The following CNTN4 variants were observed in gnomAD, a reference collection of about 807,000 sequenced individuals.
CNTN4 encodes contactin-4.
CNTN4 carries 77 observed loss-of-function variants against 122.5 expected under a neutral mutation model. The observed-to-expected ratio is 0.63, with a 90% confidence interval of 0.52 to 0.76. The LOEUF is 0.76. Ranked by LOEUF, CNTN4 falls within the 30% of genes least tolerant of loss-of-function variation. CNTN4 has a pLI of 0.00. For missense variants in CNTN4, 1,256 were observed against 1,259.1 expected, an observed-to-expected ratio of 1.00 and a Z score of 0.04; for synonymous variants, 512 against 447.0, an observed-to-expected ratio of 1.15 and a Z score of -1.83.
intron 14 of CNTN4, among the ~76,000 whole-genome samples, chr3:3,004,612 C>T (rs538647694): frequency 2.0e-4 from 30 of 152,214 alleles, no homozygotes; most frequent in African/African-American, 6.7e-4. Flanking sequence ...GTTGAAAGTG[C>T]GTTTGTAAAA....
At chr3:2,563,828 A>T (rs1322212780) in intron 3 of CNTN4, among the ~76,000 whole-genome samples, 1 of 152,172 alleles carries the variant, frequency 6.6e-6, no homozygotes, top group African/African-American at 2.4e-5. Context: ...AGCATTAGCT[A>T]TGATAGAATG....
At chr3:2,613,597 G>T (rs1017687852) in intron 4 of CNTN4, among the ~76,000 whole-genome samples, 1 of 151,754 alleles carries the variant, frequency 6.6e-6, no homozygotes, top group Non-Finnish European at 1.5e-5. Context: ...GTACTTTTTG[G>T]GCAATATAAG....
At chr3:2,249,225 A>G (rs1301757878) in intron 2 of CNTN4, among the ~76,000 whole-genome samples, 1 of 151,924 alleles carries the variant, frequency 6.6e-6, no homozygotes, top group East Asian at 1.9e-4. Context: ...ATTTAGAGGG[A>G]TTGATGAACT....
intron 4 of CNTN4, among the ~76,000 whole-genome samples, chr3:2,668,105 G>C (rs1261983800): frequency 1.3e-5 from 2 of 152,132 alleles, no homozygotes; most frequent in African/African-American, 4.8e-5. Context: ...GAACTTTAAA[G>C]TAGTTTTTTC....
At chr3:2,548,120 T>G (rs1012180442) in intron 3 of CNTN4, among the ~76,000 whole-genome samples, 4 of 152,182 alleles carry the variant, frequency 2.6e-5, no homozygotes, top group Non-Finnish European at 2.9e-5. Context: ...TCCCATTCTG[T>G]AGGTTGCCTG....
At chr3:2,257,748 G>A (rs2040658480) in intron 2 of CNTN4, among the ~76,000 whole-genome samples, 1 of 152,162 alleles carries the variant, frequency 6.6e-6, no homozygotes, top group Non-Finnish European at 1.5e-5. Context: ...TCTCTCATCA[G>A]TTAGAATGGT....
chr3:2,777,011 C>T (rs544331791), intron 6 of CNTN4, among the ~76,000 whole-genome samples: 103 of 152,152 alleles, frequency 6.8e-4, no homozygotes, highest in African/African-American at 2.4e-3. Flanking sequence ...GACAGACTCT[C>T]ACTTTATTGC....
chr3:2,925,873 T>C (rs897687762), intron 13 of CNTN4, 94 bp downstream of exon 13: 1 of 1,068,934 alleles, frequency 9.4e-7, no homozygotes. Context: ...GGTGACTATC[T>C]GCTGTTCCTG....
chr3:2,296,324 T>C (rs1170878168), intron 2 of CNTN4, among the ~76,000 whole-genome samples: 2 of 152,210 alleles, frequency 1.3e-5, no homozygotes, highest in Non-Finnish European at 2.9e-5. Flanking sequence ...GGAATGTTCT[T>C]CCATTTGTTT....
intron 4 of CNTN4, among the ~76,000 whole-genome samples, chr3:2,707,147 T>C (rs189838098): frequency 2.7e-5 from 4 of 150,682 alleles, no homozygotes; most frequent in African/African-American, 9.8e-5. Flanking sequence ...AGAAAAAAAA[T>C]ACAAAAAAAT....
intron 3 of CNTN4, among the ~76,000 whole-genome samples, chr3:2,514,955 T>C (rs1436981720): frequency 6.6e-6 from 1 of 151,916 alleles, no homozygotes; most frequent in Non-Finnish European, 1.5e-5. Flanking sequence ...TCTCTCTTTC[T>C]ACCCTTCTCC....
chr3:2,802,041 C>T (rs1302806001), intron 6 of CNTN4, among the ~76,000 whole-genome samples: 1 of 152,180 alleles, frequency 6.6e-6, no homozygotes, highest in Non-Finnish European at 1.5e-5. Flanking sequence ...ATTATTACAA[C>T]TACTTCTAAT....
In CNTN4 at chr3:2,694,086, G is replaced by C. The variant is rs145066132; in HGVS notation, c.56-42129G>C. On this transcript the variant is annotated intron_variant, in intron 4 of 24. Coordinates refer to ENST00000418658, the MANE Select transcript of CNTN4 (RefSeq NM_175607.3). ...AGTCCTCATACTTTCCTGCTAGGAT[G>C]CCTTTGCCCAAGTCTTTGCCTGTTT... Among the ~76,000 whole-genome samples the C allele has an allele frequency of 1.4e-4, 22 of 152,184 alleles. 1 individual carries two copies. The highest frequency in any genetic ancestry group is 8.5e-4 in the Admixed American group (13 of 15,294).
At chr3:2,672,455 C>T (rs762719180) in intron 4 of CNTN4, among the ~76,000 whole-genome samples, 29 of 152,310 alleles carry the variant, frequency 1.9e-4, no homozygotes, top group Admixed American at 2.6e-4. Context: ...TTTCTAAGAC[C>T]GTCAGAAAAG....
chr3:2,562,374 C>T (rs146934729), intron 3 of CNTN4, among the ~76,000 whole-genome samples: 1,670 of 152,038 alleles, frequency 0.011, 14 homozygotes, highest in Middle Eastern at 0.034. Flanking sequence ...AGCCCTTCCT[C>T]CCCTCCTTCT....
At position 2,541,412 on chromosome 3, in the gene CNTN4, A is replaced by G. The variant is rs192866405; in HGVS notation, c.-88-30004A>G. Among the ~76,000 whole-genome samples, 501 of 152,236 alleles carry G rather than the reference A, an allele frequency of 3.3e-3. 4 individuals carry two copies. Among genetic ancestry groups the G allele is most frequent in the African/African-American group, 0.011 (472 of 41,566 alleles). Reference sequence around the variant, plus strand: ...TACTATTATGCACCTTATTTTGCAAATAAGTCAAGAGAAAAACCGTTTTTT... The same window carrying G: ...TACTATTATGCACCTTATTTTGCAAGTAAGTCAAGAGAAAAACCGTTTTTT... On this transcript the variant is annotated intron_variant, in intron 3 of 24. Coordinates refer to ENST00000418658, the MANE Select transcript of CNTN4 (RefSeq NM_175607.3).
intron 11 of CNTN4, among the ~76,000 whole-genome samples, chr3:2,902,666 T>C (rs966350879): frequency 2.0e-5 from 3 of 152,202 alleles, no homozygotes; most frequent in African/African-American, 7.2e-5. Flanking sequence ...CAATTTAAAT[T>C]CCATTTACCA....
At chr3:2,434,860 C>T (rs967870604) in intron 3 of CNTN4, among the ~76,000 whole-genome samples, 3 of 152,116 alleles carry the variant, frequency 2.0e-5, no homozygotes, top group Non-Finnish European at 2.9e-5. Flanking sequence ...ATGTCGCCAG[C>T]GTCCTAAATG....
intron 2 of CNTN4, among the ~76,000 whole-genome samples, chr3:2,123,478 C>T (rs1327914597): frequency 2.0e-5 from 3 of 152,108 alleles, no homozygotes; most frequent in Admixed American, 1.3e-4. Context: ...TGGAAGGGTC[C>T]TTTCCTTTGG....
Sources: gnomAD v4.1 joint callset for allele counts (sites outside exome capture counted in the v4.1 genomes callset) on GRCh38, gnomAD v4.1.1 for gene constraint, MANE v1.5 for transcripts, NCBI Gene and HGNC (gene_info 2026-07-23, HGNC 2026-07-21) for gene names.